The following AGBL4 variants were observed in gnomAD, a reference collection of about 807,000 sequenced individuals.
AGBL4 encodes AGBL carboxypeptidase 4.
In AGBL4, 58 loss-of-function variants were observed where a neutral mutation model predicts 66.4. The ratio of observed to expected loss-of-function variants is 0.87; its 90% CI spans 0.71 to 1.09. The LOEUF (loss-of-function observed/expected upper bound fraction) is 1.09, where lower values mean the gene tolerates loss of function less well. AGBL4 is among the 50% of genes least tolerant of loss of function. The probability of loss-of-function intolerance (pLI) is 0.00; values close to 1 mark genes in which losing one functional copy is unlikely to be tolerated. For synonymous variants in AGBL4, 234 were observed against 222.9 expected, an observed-to-expected ratio of 1.05 and a Z score of -0.44; for missense variants, 579 against 631.0, an observed-to-expected ratio of 0.92 and a Z score of 0.88.
chr1:49,374,991 C>A (rs1364985312), intron 3 of AGBL4, among the ~76,000 whole-genome samples: 2 of 151,998 alleles, frequency 1.3e-5, no homozygotes, highest in Non-Finnish European at 2.9e-5. Flanking sequence ...TACCTTTGAC[C>A]AACCTCTCTC....
chr1:49,772,957 T>C (rs969651192), intron 2 of AGBL4, among the ~76,000 whole-genome samples: 6 of 152,214 alleles, frequency 3.9e-5, no homozygotes, highest in African/African-American at 1.4e-4. Context: ...TTCTTCTTTT[T>C]CTGACACTCT....
At chr1:48,648,418 A>G (rs1041991245) in intron 8 of AGBL4, among the ~76,000 whole-genome samples, 5 of 152,186 alleles carry the variant, frequency 3.3e-5, no homozygotes. Flanking sequence ...CCGCGCTTCT[A>G]CTAAATGATG....
intron 4 of AGBL4, among the ~76,000 whole-genome samples, chr1:49,135,269 T>C (rs1645987824): frequency 6.6e-6 from 1 of 152,158 alleles, no homozygotes; most frequent in Admixed American, 6.6e-5. Flanking sequence ...TATTGCTATA[T>C]GAAAAAATTG....
At chr1:49,845,707 C>A in intron 2 of AGBL4, 1 of 1,596,880 alleles carries the variant, frequency 6.3e-7, no homozygotes, top group Non-Finnish European at 8.6e-7. Flanking sequence ...GAGCACATTC[C>A]TGACTGAGCA....
intron 2 of AGBL4, among the ~76,000 whole-genome samples, chr1:49,738,751 A>G (rs538640296): frequency 2.3e-4 from 35 of 152,120 alleles, no homozygotes; most frequent in Non-Finnish European, 3.8e-4. Context: ...GTTCACCAAT[A>G]TCTGCTGTTC....
At chr1:49,126,206 C>T (rs1043013365) in intron 4 of AGBL4, among the ~76,000 whole-genome samples, 4 of 152,086 alleles carry the variant, frequency 2.6e-5, no homozygotes, top group African/African-American at 7.2e-5. Context: ...AAGGACCCCA[C>T]GTGTTGGGAA....
intron 6 of AGBL4, among the ~76,000 whole-genome samples, chr1:48,783,287 A>G (rs574312950): frequency 4.9e-4 from 75 of 152,234 alleles, no homozygotes; most frequent in African/African-American, 1.8e-3. Flanking sequence ...AGGGGCATCA[A>G]CCCAACTCAT....
At chr1:48,994,286 C>A (rs1302750395) in intron 5 of AGBL4, among the ~76,000 whole-genome samples, 1 of 152,148 alleles carries the variant, frequency 6.6e-6, no homozygotes, top group Non-Finnish European at 1.5e-5. Context: ...CCTAGTCATC[C>A]TTCAAAGCCT....
In AGBL4 at chr1:49,804,471, A is replaced by G. The variant is rs145452786; in HGVS notation, c.157+46925T>C. Among the ~76,000 whole-genome samples the G allele has an allele frequency of 2.2e-3, 341 of 152,312 alleles. 4 individuals carry two copies. Among genetic ancestry groups the G allele is most frequent in the African/African-American group, 7.9e-3 (328 of 41,586 alleles). Reference sequence around the variant, plus strand: ...ATGAGTACATTAAAATTATTTACTTAAGAGTATTCAACATTTATTATGGAG... The same window carrying G: ...ATGAGTACATTAAAATTATTTACTTGAGAGTATTCAACATTTATTATGGAG... On this transcript the variant is annotated intron_variant, in intron 2 of 13. Coordinates refer to ENST00000371839, the MANE Select transcript of AGBL4 (RefSeq NM_032785.4).
At chr1:49,505,665 T>A (rs1648613255) in intron 3 of AGBL4, among the ~76,000 whole-genome samples, 1 of 152,052 alleles carries the variant, frequency 6.6e-6, no homozygotes, top group South Asian at 2.1e-4. Context: ...GGATTCTCTT[T>A]TGTCTTTGAT....
intron 3 of AGBL4, among the ~76,000 whole-genome samples, chr1:49,279,206 C>T (rs1256141089): frequency 6.6e-6 from 1 of 152,010 alleles, no homozygotes; most frequent in Non-Finnish European, 1.5e-5. Context: ...AGGGTTTTAC[C>T]TTGGGCATGA....
chr1:49,486,862 A>G (rs1647078619), intron 3 of AGBL4, among the ~76,000 whole-genome samples: 1 of 152,048 alleles, frequency 6.6e-6, no homozygotes, highest in East Asian at 1.9e-4. Flanking sequence ...AAGTTAAGAA[A>G]TAGAGCAAAA....
intron 4 of AGBL4, among the ~76,000 whole-genome samples, chr1:49,190,399 G>T (rs1232337177): frequency 6.6e-6 from 1 of 152,164 alleles, no homozygotes; most frequent in African/African-American, 2.4e-5. Flanking sequence ...TTCCCTGAAG[G>T]GAAAAGGCTT....
intron 3 of AGBL4, among the ~76,000 whole-genome samples, chr1:49,356,352 T>C (rs1190281667): frequency 6.6e-6 from 1 of 152,220 alleles, no homozygotes; most frequent in Non-Finnish European, 1.5e-5. Context: ...CACCTTCACA[T>C]GCCTTCAAAT....
At chr1:49,081,452 T>C (rs938369340) in intron 4 of AGBL4, among the ~76,000 whole-genome samples, 1 of 152,234 alleles carries the variant, frequency 6.6e-6, no homozygotes, top group African/African-American at 2.4e-5. Flanking sequence ...AATTAAAATA[T>C]GTAAGAATTC....
intron 3 of AGBL4, among the ~76,000 whole-genome samples, chr1:49,536,367 C>T (rs544962825): frequency 3.0e-4 from 45 of 151,936 alleles, no homozygotes; most frequent in African/African-American, 1.1e-3. Context: ...TGTGTGTGTG[C>T]GTGTGTGTTC....
Position 48,789,146 on chromosome 1 carries a change from T to C in AGBL4, c.634+78045A>G, listed in dbSNP as rs1292484486. On this transcript the variant is annotated intron_variant, in intron 6 of 13. Transcript: ENST00000371839. ...CATTGGATTCAAACCTGGTATGAAG[T>C]CCATATGGTTCTCACTCTGCTATGT... Among the ~76,000 whole-genome samples, 8 of 152,094 alleles carry C rather than the reference T, an allele frequency of 5.3e-5. No individual in the cohort carries two copies. In the East Asian group the frequency reaches 1.4e-3, roughly 26 times the overall value.
rs11580576 is a variant in AGBL4, at chr1:49,569,654, T to C, written c.282+127659A>G. On this transcript the variant is annotated intron_variant, in intron 3 of 13. Coordinates refer to ENST00000371839, the MANE Select transcript of AGBL4 (RefSeq NM_032785.4). Reference sequence around the variant, plus strand: ...GCCACACCCATAGATTGCATATGGATCAAGTGAGTGCTTTCAGGTTATCCA... The same window carrying C: ...GCCACACCCATAGATTGCATATGGACCAAGTGAGTGCTTTCAGGTTATCCA... 7.9e-3 allele frequency among the ~76,000 whole-genome samples: 1,206 copies of C among 152,268 alleles called. 7 individuals carry two copies. The highest frequency in any genetic ancestry group is 0.012 in the Non-Finnish European group (784 of 68,002).
intron 5 of AGBL4, among the ~76,000 whole-genome samples, chr1:48,967,437 T>A (rs1409687598): frequency 6.6e-6 from 1 of 152,196 alleles, no homozygotes; most frequent in Non-Finnish European, 1.5e-5. Context: ...GTAACAGTGA[T>A]TATTTCATAA....
Sources: allele counts gnomAD v4.1 joint callset (sites outside exome capture counted in the v4.1 genomes callset), GRCh38; gene constraint gnomAD v4.1.1; transcripts MANE v1.5; gene names NCBI Gene and HGNC (gene_info 2026-07-23, HGNC 2026-07-21).